Variants in TMF1 observed in about 807,000 individuals in gnomAD.
TMF1 encodes the protein TATA element modulatory factor.
In TMF1, 71 loss-of-function variants were observed where a neutral mutation model predicts 126.5. The ratio of observed to expected loss-of-function variants is 0.56; its 90% confidence interval spans 0.46 to 0.68. TMF1 has a LOEUF of 0.68. Among genes scored for constraint, TMF1 ranks in the 30% least tolerant of loss-of-function variants. TMF1 has a pLI of 0.00. For synonymous variants in TMF1, 461 were observed against 430.5 expected (o/e 1.07, Z -0.88); for missense variants, 1,259 against 1,253.2 (o/e 1.00, Z -0.07).
intron 9 of TMF1, among the ~76,000 whole-genome samples, chr3:69,034,511 C>T (rs907201292): frequency 6.6e-6 from 1 of 152,176 alleles, no homozygotes; most frequent in East Asian, 1.9e-4. Context: ...ATAAGTGCTT[C>T]TTTAAAAAGC....
chr3:69,040,870 C>T (rs1302714309), intron 5 of TMF1, among the ~76,000 whole-genome samples: 4 of 150,990 alleles, frequency 2.6e-5, no homozygotes, highest in African/African-American at 4.9e-5. Context: ...TGCAGTGAGC[C>T]GGGATCATGC....
At position 69,048,033 on chromosome 3, in the gene TMF1, G is replaced by A. The variant is rs199805291; in HGVS notation, c.672C>T (p.Asp224=). The A allele has an allele frequency of 6.9e-5, 112 of 1,613,868 alleles. No homozygotes were observed. Among genetic ancestry groups the A allele is most frequent in the Non-Finnish European group, 9.3e-5 (110 of 1,180,034 alleles). The change falls in exon 2 of 17, where the codon GAC becomes GAT. Residue 224 remains aspartate (D), a synonymous_variant. Transcript: ENST00000398559. The part of the protein sequence containing the change: ...STQSLTAETK[D]IALEPKEQKH... The stretch of plus-strand genomic sequence containing the variant: ...TTTGTTCCTTAGGTTCCAAAGCTAT[G>A]TCCTTTGTTTCTGCTGTGAGAGACT...
At chr3:69,037,517 C>T (rs1391859159) in intron 8 of TMF1, among the ~76,000 whole-genome samples, 2 of 152,154 alleles carry the variant, frequency 1.3e-5, no homozygotes, top group African/African-American at 4.8e-5. Context: ...TGGTGGGCAC[C>T]TGTAATCCCA....
At chr3:69,030,051 A>G in intron 10 of TMF1, 44 bp from the exon 11 acceptor site, 4 of 1,527,876 alleles carry the variant, frequency 2.6e-6, no homozygotes, top group African/African-American at 1.4e-5. Context: ...CATACAGCCC[A>G]GAGACCAAAA....
rs541021354 is a variant in TMF1 at position 69,029,044 on chromosome 3, T to A, written c.2595-749A>T. ...TATAATATCCTATTACTTTATTTAT[T>A]TTTTTTTTTTTGGAGACGGAGTCTC... On this transcript the variant is annotated intron_variant, in intron 11 of 16. Coordinates refer to ENST00000398559, the MANE Select transcript of TMF1 (RefSeq NM_007114.3). 9.4e-5 allele frequency among the ~76,000 whole-genome samples: 14 copies of A among 149,088 alleles called. 1 individual carries two copies. In the South Asian group the frequency reaches 2.7e-3, roughly 29 times the overall value.
At chr3:69,027,130 G>A (rs944992388) in intron 13 of TMF1, among the ~76,000 whole-genome samples, 1 of 152,106 alleles carries the variant, frequency 6.6e-6, no homozygotes, top group South Asian at 2.1e-4. Context: ...CGAGTAGCTG[G>A]GATTACAGGC....
rs373195117 is a variant in TMF1 at position 69,033,622 on chromosome 3, T to C, written c.2327A>G (p.Glu776Gly). ...STTRPLLRQI[E>G]NLQATLGSQT... ...GGATCCCAGGGTTGCTTGCAAATTT[T>C]CTATTTGTCGAAGCAATGGTCTTGT... Residue 776 changes from glutamate (E) to glycine (G), a missense_variant, in exon 10 of 17, where the codon GAA becomes GGA. Transcript: ENST00000398559. The C allele has an allele frequency of 1.9e-6, 3 of 1,613,946 alleles. No individual in the cohort carries two copies. The highest frequency in any genetic ancestry group is 2.5e-6 in the Non-Finnish European group (3 of 1,180,006).
In TMF1 at chr3:69,047,461, G is replaced by A. The variant is rs535671744; in HGVS notation, c.1244C>T (p.Thr415Ile). The change falls in exon 2 of 17, where the codon ACA (threonine) becomes ATA (isoleucine). Residue 415 changes from threonine to isoleucine, a missense_variant. By Grantham distance (89) the Thr-to-Ile change is moderately conservative (BLOSUM62 -1). Transcript: ENST00000398559. Reference protein sequence around the residue: ...CEQPDILVSSTPINEGQTVLD... With the variant: ...CEQPDILVSSIPINEGQTVLD... ...CACAGTCTGTCCTTCATTTATTGGTGTGGAAGAAACCAAGATATCAGGCTG... is the reference window on the plus strand; with the variant it reads ...CACAGTCTGTCCTTCATTTATTGGTATGGAAGAAACCAAGATATCAGGCTG... The A allele has an allele frequency of 4.3e-6, 7 of 1,614,154 alleles. No individual in the cohort carries two copies. In the South Asian group the frequency reaches 6.6e-5, roughly 15 times the overall value.
intron 4 of TMF1, among the ~76,000 whole-genome samples, chr3:69,043,548 C>A (rs1195235903): frequency 6.6e-6 from 1 of 152,148 alleles, no homozygotes; most frequent in Non-Finnish European, 1.5e-5. Flanking sequence ...CTCAAGTGAT[C>A]CGCCCACTTC....
chr3:69,038,420 C>T lies in TMF1; in HGVS notation c.2151+144G>A, dbSNP rs2091844575. On this transcript the variant is annotated intron_variant, in intron 8 of 16. Transcript: ENST00000398559. ...ACTTTAACAGTTTTAAAAAACACAACTGGTTAAATTTAGCAGAATCCAGTA... is the reference window on the plus strand; with the variant it reads ...ACTTTAACAGTTTTAAAAAACACAATTGGTTAAATTTAGCAGAATCCAGTA... The T allele has an allele frequency of 3.2e-6, 3 of 926,428 alleles. No individual in the cohort carries two copies. In the South Asian group the frequency reaches 5.5e-5, roughly 17 times the overall value. The allele number at this position is 926,428 out of a possible 1,614,324, so 57.4% of individuals were successfully genotyped here.
chr3:69,045,290 T>C lies in TMF1; in HGVS notation c.1348-695A>G, dbSNP rs576678341. Among the ~76,000 whole-genome samples, 14 of 151,564 alleles carry C rather than the reference T, an allele frequency of 9.2e-5. 1 individual carries two copies. The South Asian group carries it at 2.7e-3, about 29-fold the overall frequency. On this transcript the variant is annotated intron_variant, in intron 2 of 16. Transcript: ENST00000398559. ...CTGGCCAACACGGTGAAAACCAGTC[T>C]CTACTGAAAATACAAAAATTAGCTG...
At position 69,033,639 on chromosome 3, in the gene TMF1, T is replaced by C. The variant is rs754031694; in HGVS notation, c.2310A>G (p.Pro770=). 15 of 1,614,032 alleles carry C rather than the reference T, an allele frequency of 9.3e-6. No homozygotes were observed. The Admixed American group carries it at 2.5e-4, about 27-fold the overall frequency. Reference sequence around the variant, plus strand: ...GCAAATTTTCTATTTGTCGAAGCAATGGTCTTGTTGTTGATGAAACACTTT... The same window carrying C: ...GCAAATTTTCTATTTGTCGAAGCAACGGTCTTGTTGTTGATGAAACACTTT... The part of the protein sequence containing the change: ...LSQSVSSTTR[P]LLRQIENLQA... Residue 770 remains proline (P), a synonymous_variant, in exon 10 of 17, where the codon CCA becomes CCG. Transcript: ENST00000398559.
chr3:69,038,751 T>C (rs762759417), intron 7 of TMF1, 31 bp from the exon 8 acceptor site: 1 of 1,599,000 alleles, frequency 6.3e-7, no homozygotes, highest in East Asian at 2.2e-5. Context: ...TTATAAATGT[T>C]GCCAGTGATC....
At position 69,047,696 on chromosome 3, in the gene TMF1, G is replaced by A. The variant is rs763144368; in HGVS notation, c.1009C>T (p.Arg337Trp). Residue 337 changes from arginine (R) to tryptophan (W), a missense_variant, in exon 2 of 17, where the codon CGG becomes TGG. Transcript: ENST00000398559. ...TCTGAATTGATTTCACTTACACTCC[G>A]GCTATCTAATGACTGTACACTAAAT... ...DSFSVQSLDSRSVSEINSDDE... is the reference protein window; with the variant it reads ...DSFSVQSLDSWSVSEINSDDE... 4.3e-6 allele frequency: 7 copies of A among 1,613,884 alleles called. No individual in the cohort carries two copies. Among genetic ancestry groups the A allele is most frequent in the East Asian group, 2.2e-5 (1 of 44,884 alleles).
At position 69,048,479 on chromosome 3, in the gene TMF1, C is replaced by A. The variant is rs148191419; in HGVS notation, c.226G>T (p.Ala76Ser). 11 of 1,613,974 alleles carry A rather than the reference C, an allele frequency of 6.8e-6. No homozygotes were observed. In the African/African-American group the frequency reaches 1.3e-4, roughly 20 times the overall value. The change falls in exon 2 of 17, where the codon GCC becomes TCC. Residue 76 changes from alanine (A) to serine (S), a missense_variant. Transcript: ENST00000398559. ...SNTEPQSPPIASPKAITKPVR... is the reference protein window; with the variant it reads ...SNTEPQSPPISSPKAITKPVR... ...GGCTTTGTGATTGCTTTAGGAGAGG[C>A]TATTGGTGGACTCTGAGGTTCAGTG...
intron 11 of TMF1, among the ~76,000 whole-genome samples, chr3:69,029,516 C>T (rs983933311): frequency 1.3e-4 from 19 of 151,452 alleles, no homozygotes; most frequent in Non-Finnish European, 2.8e-4. Context: ...GGGATCTTGG[C>T]TCACTGCAAC....
rs558995481 is a variant in TMF1 at position 69,033,147 on chromosome 3, G to A, written c.2401+401C>T. On this transcript the variant is annotated intron_variant, in intron 10 of 16. Coordinates refer to ENST00000398559, the MANE Select transcript of TMF1 (RefSeq NM_007114.3). ...AAATTAGCCAGGCATGGTGGCAGACGCCTGTAATCCCAGCTACTCAGGAGG... is the reference window on the plus strand; with the variant it reads ...AAATTAGCCAGGCATGGTGGCAGACACCTGTAATCCCAGCTACTCAGGAGG... Among the ~76,000 whole-genome samples the A allele has an allele frequency of 2.6e-4, 40 of 152,012 alleles. No homozygotes were observed. The South Asian group carries it at 3.1e-3, about 12-fold the overall frequency.
intron 13 of TMF1, among the ~76,000 whole-genome samples, chr3:69,027,221 C>T (rs1024281801): frequency 1.5e-4 from 23 of 152,136 alleles, no homozygotes; most frequent in Non-Finnish European, 1.5e-4. Context: ...GTCTTGAACT[C>T]TTAGCCTCAA....
chr3:69,045,771 TA>T lies in TMF1; in HGVS notation c.1348-1177del, dbSNP rs2091892210. 6.0e-5 allele frequency among the ~76,000 whole-genome samples: 9 copies of T among 151,188 alleles called. No homozygotes were observed. The South Asian group carries it at 1.9e-3, about 32-fold the overall frequency. On this transcript the variant is annotated intron_variant, in intron 2 of 16. Coordinates refer to ENST00000398559, the MANE Select transcript of TMF1 (RefSeq NM_007114.3). ...CAAAAAATAAATAAATAAAATAAAA[TA>T]AAAGTAGGGCTGGACACGGGTTCAT...
Sources: gnomAD v4.1 joint callset for allele counts (sites outside exome capture counted in the v4.1 genomes callset) on GRCh38, gnomAD v4.1.1 for gene constraint, MANE v1.5 for transcripts, NCBI Gene and HGNC (gene_info 2026-07-23, HGNC 2026-07-21) for gene names.